FOXP2: variants seen among roughly 807,000 people sequenced by gnomAD.
The protein encoded by FOXP2 is forkhead box P2, also known as forkhead box protein P2.
FOXP2 carries 12 observed loss-of-function variants against 115.8 expected under a neutral mutation model. The observed-to-expected ratio is 0.10, with a 90% confidence interval of 0.07 to 0.17. The LOEUF (loss-of-function observed/expected upper bound fraction) is 0.17. FOXP2 is among the 10% of genes least tolerant of loss of function. The pLI is 1.00. For missense variants in FOXP2, 629 were observed against 843.5 expected (o/e 0.75, Z 3.15); for synonymous variants, 328 against 297.7 (o/e 1.10, Z -1.05).
rs1031076307 is a variant in FOXP2, at chr7:114,390,113, C to T, written c.-10-36389C>T. On this transcript the variant is annotated intron_variant, in intron 2 of 17. Transcript: ENST00000634411. ...CTGTGGTGTAAATATTGTAAAACAACGTAATTTCAAGATACATATGAAAAA... is the reference window on the plus strand; with the variant it reads ...CTGTGGTGTAAATATTGTAAAACAATGTAATTTCAAGATACATATGAAAAA... Among the ~76,000 whole-genome samples the T allele has an allele frequency of 8.9e-5, 13 of 146,184 alleles. 1 individual carries two copies. Among genetic ancestry groups the T allele is most frequent in the Middle Eastern group, 7.5e-3 (2 of 268 alleles).
At chr7:114,155,763 A>G (rs1237293288) in intron 1 of FOXP2, among the ~76,000 whole-genome samples, 3 of 152,296 alleles carry the variant, frequency 2.0e-5, no homozygotes, top group African/African-American at 4.8e-5. Flanking sequence ...GTTTTAAAGC[A>G]GGAGTGAAAG....
intron 3 of FOXP2, among the ~76,000 whole-genome samples, chr7:114,588,138 T>C (rs894323566): frequency 4.0e-5 from 6 of 151,570 alleles, no homozygotes; most frequent in Non-Finnish European, 5.9e-5. Flanking sequence ...TGAGACCCCA[T>C]CTCTACTAAA....
chr7:114,517,776 G>T (rs1468058073), intron 2 of FOXP2, among the ~76,000 whole-genome samples: 1 of 151,956 alleles, frequency 6.6e-6, no homozygotes, highest in Non-Finnish European at 1.5e-5. Flanking sequence ...CTCCAGCTTT[G>T]TCTTTTTTGC....
chr7:114,102,024 T>C (rs747055093), intron 1 of FOXP2, among the ~76,000 whole-genome samples: 38 of 151,764 alleles, frequency 2.5e-4, no homozygotes, highest in Non-Finnish European at 5.0e-4. Flanking sequence ...AGATCATCCC[T>C]TAGTTAATAT....
At chr7:114,491,029 G>A (rs1797022686) in intron 2 of FOXP2, among the ~76,000 whole-genome samples, 1 of 152,180 alleles carries the variant, frequency 6.6e-6, no homozygotes, top group Admixed American at 6.5e-5. Flanking sequence ...CCAGTAATGG[G>A]ATGGCTGGGC....
At chr7:114,342,501 TTAGA>T (rs1791242471) in intron 2 of FOXP2, among the ~76,000 whole-genome samples, 1 of 151,440 alleles carries the variant, frequency 6.6e-6, no homozygotes, top group African/African-American at 2.4e-5. Flanking sequence ...AGAAAATACT[TTAGA>T]TAAATACCTA....
At chr7:114,611,707 C>T (rs1288904417) in intron 3 of FOXP2, among the ~76,000 whole-genome samples, 2 of 152,098 alleles carry the variant, frequency 1.3e-5, no homozygotes, top group Non-Finnish European at 2.9e-5. Context: ...ATCGCAATTC[C>T]TTTTTTCTTC....
At chr7:114,179,437 T>C (rs1007798705) in intron 1 of FOXP2, among the ~76,000 whole-genome samples, 2 of 152,002 alleles carry the variant, frequency 1.3e-5, no homozygotes, top group Non-Finnish European at 2.9e-5. Flanking sequence ...ACTCTTGTCA[T>C]TTCCACTCAG....
chr7:114,390,259 G>A (rs1458736016), intron 2 of FOXP2, among the ~76,000 whole-genome samples: 2 of 152,004 alleles, frequency 1.3e-5, no homozygotes, highest in South Asian at 2.1e-4. Flanking sequence ...ATAACAAAAT[G>A]TATCAAAGTT....
chr7:114,137,556 T>A (rs1792072923), intron 1 of FOXP2, among the ~76,000 whole-genome samples: 1 of 152,082 alleles, frequency 6.6e-6, no homozygotes, highest in Non-Finnish European at 1.5e-5. Context: ...GCTTTTTGAG[T>A]TCAATTTAAT....
intron 2 of FOXP2, among the ~76,000 whole-genome samples, chr7:114,359,092 G>T (rs971556983): frequency 6.6e-6 from 1 of 152,154 alleles, no homozygotes; most frequent in African/African-American, 2.4e-5. Context: ...AAATGGTTTT[G>T]TGGGCCAGGC....
intron 3 of FOXP2, among the ~76,000 whole-genome samples, chr7:114,542,799 T>G (rs916138124): frequency 3.3e-5 from 5 of 151,448 alleles, no homozygotes; most frequent in African/African-American, 9.7e-5. Context: ...TTTTTGTTTT[T>G]TTTTTTTTTG....
At chr7:114,159,701 T>C (rs1792778796), upstream of FOXP2, among the ~76,000 whole-genome samples, 2 of 152,140 alleles carry the variant, frequency 1.3e-5, no homozygotes, top group Admixed American at 6.6e-5. Context: ...GGATTATAGT[T>C]CACATTTATT....
chr7:114,323,273 A>G (rs1797473575), intron 2 of FOXP2, among the ~76,000 whole-genome samples: 1 of 152,094 alleles, frequency 6.6e-6, no homozygotes, highest in African/African-American at 2.4e-5. Flanking sequence ...TTAAACTGTA[A>G]TTTGAGTTTA....
At chr7:114,224,320 A>G (rs567256042) in intron 1 of FOXP2, among the ~76,000 whole-genome samples, 1 of 152,144 alleles carries the variant, frequency 6.6e-6, no homozygotes, top group African/African-American at 2.4e-5. Context: ...TGGGATTTTC[A>G]TAGAAATAGC....
chr7:114,421,159 T>A, intron 1 of FOXP2, among the ~76,000 whole-genome samples: 1 of 151,646 alleles, frequency 6.6e-6, no homozygotes, highest in Non-Finnish European at 1.5e-5. Flanking sequence ...CATTGCACTT[T>A]AAGTGAAATA....
At chr7:114,361,175 A>C (rs1173025860) in intron 2 of FOXP2, among the ~76,000 whole-genome samples, 1 of 152,172 alleles carries the variant, frequency 6.6e-6, no homozygotes, top group East Asian at 1.9e-4. Flanking sequence ...TAGGGACAGT[A>C]CTCAAATCAT....
chr7:114,179,699 G>C (rs1472706703), intron 1 of FOXP2, among the ~76,000 whole-genome samples: 1 of 151,940 alleles, frequency 6.6e-6, no homozygotes, highest in Non-Finnish European at 1.5e-5. Context: ...CATCTTTTAA[G>C]GCTATACTTG....
chr7:114,211,041 C>T (rs560110269), intron 1 of FOXP2, among the ~76,000 whole-genome samples: 3 of 152,312 alleles, frequency 2.0e-5, no homozygotes, highest in East Asian at 1.9e-4. Flanking sequence ...GATGGCCACT[C>T]CTCCCTCTGG....
Sources: allele counts gnomAD v4.1 joint callset (sites outside exome capture counted in the v4.1 genomes callset), GRCh38; gene constraint gnomAD v4.1.1; transcripts MANE v1.5; gene names NCBI Gene and HGNC (gene_info 2026-07-23, HGNC 2026-07-21).